DYNC2H1: variants seen among roughly 807,000 people sequenced by gnomAD.
DYNC2H1 encodes dynein cytoplasmic 2 heavy chain 1.
DYNC2H1 carries 410 observed loss-of-function variants against 570.0 expected under a neutral mutation model. The observed-to-expected ratio is 0.72, with a 90% CI of 0.66 to 0.78. The LOEUF is 0.78. DYNC2H1 is among the 30% of genes least tolerant of loss of function. DYNC2H1 has a pLI of 0.00. For missense variants in DYNC2H1, 4,865 were observed against 5,046.4 expected, an observed-to-expected ratio of 0.96 and a Z score of 1.09; for synonymous variants, 1,688 against 1,677.6, an observed-to-expected ratio of 1.01 and a Z score of -0.15.
In DYNC2H1 at chr11:103,324,489, T is replaced by G. The variant is rs1182684506; in HGVS notation, c.12039+499T>G. Among the ~76,000 whole-genome samples, 1 of 152,210 alleles carries G rather than the reference T, an allele frequency of 6.6e-6. No individual in the cohort carries two copies. Among genetic ancestry groups the G allele is most frequent in the African/African-American group, 2.4e-5 (1 of 41,462 alleles). On this transcript the variant is annotated intron_variant, in intron 82 of 88. Coordinates refer to ENST00000375735, the MANE Select transcript of DYNC2H1 (RefSeq NM_001377.3). The surrounding 1 kb of genome is among the most constrained non-coding windows in gnomAD (Gnocchi z 5.2). ...TCTCCAGCTCCATCCATCCTTGCTGTGAAGGACATGGTCTTGCTCCAGCTC... is the reference window on the plus strand; with the variant it reads ...TCTCCAGCTCCATCCATCCTTGCTGGGAAGGACATGGTCTTGCTCCAGCTC...
At chr11:103,258,845 A>G (rs72971591) in intron 69 of DYNC2H1, among the ~76,000 whole-genome samples, 1,933 of 152,306 alleles carry the variant, frequency 0.013, 16 homozygotes, top group Non-Finnish European at 0.02. Context: ...TCTTGTAGGT[A>G]CAGTACTGTG....
intron 81 of DYNC2H1, 115 bp from the exon 82 acceptor site, chr11:103,323,771 G>C: frequency 1.2e-6 from 1 of 834,544 alleles, no homozygotes. Context: ...GATTTATCTA[G>C]AAAATAAAAA....
Position 103,231,386 on chromosome 11 carries a change from A to G in DYNC2H1, c.9440+40A>G, listed in dbSNP as rs558019011. On this transcript the variant is annotated intron_variant, in intron 60 of 88. Transcript: ENST00000375735. ...GAAGTGTATTTTGGATAATGCTGAG[A>G]GTGTTTACATTTGACATCTTGATTT... is the stretch of plus-strand genomic sequence containing the variant. 1.4e-5 allele frequency: 19 copies of G among 1,321,418 alleles called. No homozygotes were observed. The South Asian group carries it at 1.9e-4, about 14-fold the overall frequency. The allele number at this position is 1,321,418 out of a possible 1,614,324, so 81.9% of individuals were successfully genotyped here.
chr11:103,141,007 A>T (rs1859887743), intron 17 of DYNC2H1, among the ~76,000 whole-genome samples: 1 of 151,884 alleles, frequency 6.6e-6, no homozygotes. Flanking sequence ...TCGGCTCCTG[A>T]GGCTTCTGCA....
rs1858001985 is a variant in DYNC2H1 at position 103,109,452 on chromosome 11, A to G, written c.-123A>G. 4.2e-6 allele frequency: 4 copies of G among 954,294 alleles called. No individual in the cohort carries two copies. In the Admixed American group the frequency reaches 8.7e-5, roughly 21 times the overall value. 59.1% of individuals were successfully genotyped at this position (954,294 alleles called of 1,614,324 possible). The stretch of plus-strand genomic sequence containing the variant: ...TAGCGACTACCCCTGGCAACCGCGA[A>G]GCTCTGCGGTCCCGCGGTCGGGCTA... On this transcript the variant is annotated 5_prime_UTR_variant, in exon 1 of 89. Transcript: ENST00000375735.
intron 18 of DYNC2H1, 68 bp from the exon 19 acceptor site, chr11:103,147,704 A>G (rs1275579985): frequency 4.5e-6 from 4 of 896,982 alleles, no homozygotes; most frequent in East Asian, 2.5e-5. Flanking sequence ...TCATTATAAT[A>G]TTATATGAGA....
intron 84 of DYNC2H1, among the ~76,000 whole-genome samples, chr11:103,415,483 G>A (rs1163926564): frequency 1.3e-5 from 2 of 152,030 alleles, no homozygotes; most frequent in East Asian, 3.9e-4. Flanking sequence ...TCAAAAAGTG[G>A]GCAAAGGATA....
intron 53 of DYNC2H1, 71 bp downstream of exon 53, chr11:103,210,031 A>T (rs187709749): frequency 2.2e-6 from 3 of 1,344,584 alleles, no homozygotes; most frequent in East Asian, 6.1e-5. Context: ...AATGCTACAG[A>T]TCCATTAAAG....
intron 66 of DYNC2H1, among the ~76,000 whole-genome samples, chr11:103,255,196 T>A (rs1865004385): frequency 1.3e-5 from 2 of 152,208 alleles, no homozygotes; most frequent in Admixed American, 6.5e-5. Flanking sequence ...ACAGCTTTTC[T>A]ACAGTAGTTA....
chr11:103,357,301 T>TA, intron 82 of DYNC2H1, among the ~76,000 whole-genome samples: 1 of 152,240 alleles, frequency 6.6e-6, no homozygotes, highest in African/African-American at 2.4e-5. Flanking sequence ...AAGGACATTA[T>TA]AGAAGTGAAA....
In DYNC2H1 at chr11:103,158,659, C is replaced by CT. The variant is rs763122918; in HGVS notation, c.4128-10dup. The CT allele has an allele frequency of 4.2e-5, 63 of 1,504,376 alleles. No homozygotes were observed. Among genetic ancestry groups the CT allele is most frequent in the Admixed American group, 9.1e-5 (4 of 43,772 alleles). 93.2% of individuals were successfully genotyped at this position (1,504,376 alleles called of 1,614,324 possible). A position where few individuals can be genotyped will look rare whatever the true frequency, so the allele number is the denominator to read the frequency against. On this transcript the variant is annotated splice_polypyrimidine_tract_variant and intron_variant, in intron 26 of 88. Transcript: ENST00000375735. Reference sequence around the variant, plus strand: ...AATTGTTAAAGTAGATGTGAAGATACTTTTTTTTCTTTTGTAGATCAATAA... The same window carrying CT: ...AATTGTTAAAGTAGATGTGAAGATACTTTTTTTTTCTTTTGTAGATCAATAA...
chr11:103,282,876 A>G (rs939154203), intron 72 of DYNC2H1, 132 bp from the exon 73 acceptor site: 54 of 653,796 alleles, frequency 8.3e-5, no homozygotes, highest in Non-Finnish European at 1.2e-4. Flanking sequence ...GACTTGTAAA[A>G]TACATAAAAA....
At chr11:103,155,631 C>T (rs1860782598) in intron 25 of DYNC2H1, 130 bp downstream of exon 25, 1 of 881,022 alleles carries the variant, frequency 1.1e-6, no homozygotes, top group Admixed American at 3.7e-5. Flanking sequence ...AGTAAACAAA[C>T]ACAAATCATT....
Position 103,155,441 on chromosome 11 carries a change from A to G in DYNC2H1, c.3684A>G (p.Leu1228=), listed in dbSNP as rs759886961. The G allele has an allele frequency of 7.4e-6, 12 of 1,612,448 alleles. No individual in the cohort carries two copies. The highest frequency in any genetic ancestry group is 2.7e-5 in the African/African-American group (2 of 74,808). The change falls in exon 25 of 89, where the codon CTA becomes CTG. Residue 1228 remains leucine, a synonymous_variant. Coordinates refer to ENST00000375735, the MANE Select transcript of DYNC2H1 (RefSeq NM_001377.3). The part of the protein sequence containing the change: ...GLPRGTSLEK[L]LFGDLLRVAD... ...CTAGGGGGACTAGTCTAGAGAAACT[A>G]CTGTTTGGTGATTTGCTCAGAGTAG... is the stretch of plus-strand genomic sequence containing the variant.
chr11:103,292,325 C>A (rs544591127), intron 75 of DYNC2H1, among the ~76,000 whole-genome samples: 4 of 151,780 alleles, frequency 2.6e-5, no homozygotes, highest in Non-Finnish European at 5.9e-5. Flanking sequence ...AAACTGATGA[C>A]AACTTAACTC....
At chr11:103,113,830 T>C (rs1858236811) in intron 2 of DYNC2H1, 123 bp downstream of exon 2, 1 of 917,708 alleles carries the variant, frequency 1.1e-6, no homozygotes, top group Non-Finnish European at 1.5e-6. Flanking sequence ...AAAATATCTT[T>C]TCTTAACTTT....
Position 103,326,604 on chromosome 11 carries a change from G to A in DYNC2H1, c.12039+2614G>A, listed in dbSNP as rs1591582435. On this transcript the variant is annotated intron_variant, in intron 82 of 88. Transcript: ENST00000375735. The surrounding 1 kb of genome is among the most constrained non-coding windows in gnomAD (Gnocchi z 6.1). The stretch of plus-strand genomic sequence containing the variant: ...CTTGGCTTGGGGTCAGACTCTGGCA[G>A]CACTGGGGGATCTGAAGTGCCCCTA... 6.6e-6 allele frequency among the ~76,000 whole-genome samples: 1 copy of A among 152,348 alleles called. No homozygotes were observed. The highest frequency in any genetic ancestry group is 1.5e-5 in the Non-Finnish European group (1 of 68,032).
At chr11:103,419,367 C>G (rs1943402011) in intron 84 of DYNC2H1, among the ~76,000 whole-genome samples, 1 of 152,164 alleles carries the variant, frequency 6.6e-6, no homozygotes, top group Non-Finnish European at 1.5e-5. Context: ...CCAGATACCT[C>G]CTACAGGCAC....
intron 84 of DYNC2H1, among the ~76,000 whole-genome samples, chr11:103,414,343 G>C (rs529181522): frequency 6.6e-6 from 1 of 152,146 alleles, no homozygotes; most frequent in Non-Finnish European, 1.5e-5. Flanking sequence ...CACCACTGCT[G>C]GGCGCAGTGG....
Sources: allele counts gnomAD v4.1 joint callset (sites outside exome capture counted in the v4.1 genomes callset), GRCh38; gene constraint gnomAD v4.1.1; non-coding constraint Gnocchi (gnomAD v3.1); transcripts MANE v1.5; gene names NCBI Gene and HGNC (gene_info 2026-07-23, HGNC 2026-07-21).